APBA1: variants seen among roughly 807,000 people sequenced by gnomAD.
APBA1 encodes the protein amyloid beta precursor protein binding family A member 1.
In APBA1, 55 loss-of-function variants were observed where a neutral mutation model predicts 86.6. The ratio of observed to expected loss-of-function variants is 0.64; its 90% CI spans 0.51 to 0.80. The LOEUF (loss-of-function observed/expected upper bound fraction) is 0.80, where lower values mean the gene tolerates loss of function less well. Among genes scored for constraint, APBA1 ranks in the 30% least tolerant of loss-of-function variants. The probability of loss-of-function intolerance (pLI) is 0.00; values close to 1 mark genes in which losing one functional copy is unlikely to be tolerated. For missense variants in APBA1, 1,090 were observed against 1,183.0 expected (o/e 0.92, Z 1.15); for synonymous variants, 511 against 493.9 (o/e 1.03, Z -0.46).
intron 11 of APBA1, among the ~76,000 whole-genome samples, chr9:69,435,615 A>G (rs1230972633): frequency 2.6e-5 from 4 of 152,172 alleles, no homozygotes; most frequent in Non-Finnish European, 5.9e-5. Context: ...GTTTGTTCAT[A>G]TCCTTCACCC....
intron 1 of APBA1, among the ~76,000 whole-genome samples, chr9:69,614,345 A>G (rs936095671): frequency 6.6e-6 from 1 of 152,156 alleles, no homozygotes; most frequent in African/African-American, 2.4e-5. Flanking sequence ...GGAGATATTA[A>G]ATGATTAAGC....
At chr9:69,515,316 G>A (rs1247812637) in intron 2 of APBA1, among the ~76,000 whole-genome samples, 2 of 151,926 alleles carry the variant, frequency 1.3e-5, no homozygotes, top group African/African-American at 4.8e-5. Flanking sequence ...TCCTCCAGGT[G>A]CGTGAACTTT....
intron 11 of APBA1, among the ~76,000 whole-genome samples, chr9:69,437,256 T>C (rs367679214): frequency 1.3e-5 from 2 of 151,436 alleles, no homozygotes; most frequent in Non-Finnish European, 2.9e-5. Context: ...GTTGTGTCTC[T>C]GCCCGGCTTT....
At chr9:69,519,718 C>T (rs1836222602) in intron 1 of APBA1, among the ~76,000 whole-genome samples, 1 of 152,178 alleles carries the variant, frequency 6.6e-6, no homozygotes, top group Non-Finnish European at 1.5e-5. Context: ...TCATGATAAC[C>T]ATATGTGGAA....
At chr9:69,543,021 A>G (rs1288945112) in intron 1 of APBA1, among the ~76,000 whole-genome samples, 1 of 152,234 alleles carries the variant, frequency 6.6e-6, no homozygotes, top group Non-Finnish European at 1.5e-5. Context: ...CCAGCTGCAG[A>G]GTAAGAGTGC....
At chr9:69,606,479 C>CTTTTTTTT (rs35083481) in intron 1 of APBA1, among the ~76,000 whole-genome samples, 4 of 50,894 alleles carry the variant, frequency 7.9e-5, no homozygotes, top group Non-Finnish European at 1.1e-4. Flanking sequence ...AGGGAGCTAG[C>CTTTTTTTT]TTTTTTTTTT....
intron 1 of APBA1, among the ~76,000 whole-genome samples, chr9:69,532,707 A>C (rs559778883): frequency 5.3e-5 from 8 of 152,194 alleles, no homozygotes; most frequent in Non-Finnish European, 4.4e-5. Flanking sequence ...GCTTCAGTGT[A>C]CAATACCAAA....
chr9:69,660,673 T>G (rs1823736892), intron 1 of APBA1, among the ~76,000 whole-genome samples: 1 of 152,216 alleles, frequency 6.6e-6, no homozygotes, highest in South Asian at 2.1e-4. Context: ...TAGGTGGAAT[T>G]TCCTTTAAAG....
At chr9:69,454,944 GCT>G (rs1435608766) in intron 8 of APBA1, among the ~76,000 whole-genome samples, 5 of 152,162 alleles carry the variant, frequency 3.3e-5, no homozygotes, top group Non-Finnish European at 5.9e-5. Context: ...GGTATTTCAA[GCT>G]CTCTGTTCTC....
intron 1 of APBA1, among the ~76,000 whole-genome samples, chr9:69,558,585 C>T (rs929887158): frequency 6.7e-6 from 1 of 148,690 alleles, no homozygotes; most frequent in Non-Finnish European, 1.5e-5. Context: ...TATATATACA[C>T]ATTATATGTA....
intron 1 of APBA1, among the ~76,000 whole-genome samples, chr9:69,621,147 A>C (rs1822809358): frequency 6.6e-6 from 1 of 152,220 alleles, no homozygotes; most frequent in African/African-American, 2.4e-5. Context: ...GGTAGCTGTT[A>C]TTATCACCAG....
chr9:69,528,359 T>C (rs1836374638), intron 1 of APBA1, among the ~76,000 whole-genome samples: 2 of 152,114 alleles, frequency 1.3e-5, no homozygotes, highest in African/African-American at 4.8e-5. Context: ...ATGCAGACTT[T>C]CTTATTGTCT....
chr9:69,476,188 G>C (rs2777862), intron 2 of APBA1, 45 bp from the exon 3 acceptor site: 2 of 1,435,532 alleles, frequency 1.4e-6, no homozygotes, highest in Non-Finnish European at 1.9e-6. Flanking sequence ...TGAGAGACTC[G>C]GCAGACACTT....
chr9:69,475,405 C>T (rs137857559), intron 3 of APBA1, among the ~76,000 whole-genome samples: 1 of 152,260 alleles, frequency 6.6e-6, no homozygotes, highest in Non-Finnish European at 1.5e-5. Flanking sequence ...CTAATGACTA[C>T]CATAGTGGAC....
intron 1 of APBA1, among the ~76,000 whole-genome samples, chr9:69,533,275 A>G (rs1195608509): frequency 6.6e-6 from 1 of 152,184 alleles, no homozygotes; most frequent in African/African-American, 2.4e-5. Context: ...GAATGAGAAC[A>G]GTAGATTGGG....
chr9:69,579,986 C>T (rs1484900546), intron 1 of APBA1, among the ~76,000 whole-genome samples: 2 of 152,098 alleles, frequency 1.3e-5, no homozygotes, highest in South Asian at 2.1e-4. Context: ...TATTTTCCTA[C>T]TTCCTTAAAA....
At chr9:69,492,927 G>A (rs1166006146) in intron 2 of APBA1, among the ~76,000 whole-genome samples, 1 of 152,032 alleles carries the variant, frequency 6.6e-6, no homozygotes, top group Admixed American at 6.5e-5. Flanking sequence ...AAATTACAGA[G>A]TTTTGCCAAA....
intron 1 of APBA1, among the ~76,000 whole-genome samples, chr9:69,599,864 G>A (rs1822312475): frequency 6.6e-6 from 1 of 152,176 alleles, no homozygotes; most frequent in African/African-American, 2.4e-5. Flanking sequence ...CGAAGGGAGA[G>A]GACGATCAGG....
At chr9:69,670,180 C>T (rs748044594) in intron 1 of APBA1, among the ~76,000 whole-genome samples, 26 of 152,004 alleles carry the variant, frequency 1.7e-4, no homozygotes, top group Admixed American at 2.6e-4. Flanking sequence ...ATTTACTTTA[C>T]ATAGACAGCT....
Sources: gnomAD v4.1 joint callset for allele counts (sites outside exome capture counted in the v4.1 genomes callset) on GRCh38, gnomAD v4.1.1 for gene constraint, MANE v1.5 for transcripts, NCBI Gene and HGNC (gene_info 2026-07-23, HGNC 2026-07-21) for gene names.